The following FANK1 variants were observed in gnomAD, a reference collection of about 807,000 sequenced individuals.
The protein encoded by FANK1 is fibronectin type III and ankyrin repeat domains 1.
Under a neutral mutation model 45.3 loss-of-function variants are expected in FANK1, and 44 were observed. The observed-to-expected ratio is 0.97, with a 90% CI of 0.76 to 1.25. The LOEUF is 1.25. Ranked by LOEUF, FANK1 falls within the 50% of genes most tolerant of loss-of-function variation. The pLI, the probability that FANK1 is intolerant of heterozygous loss-of-function variation, is 0.00. For synonymous variants in FANK1, 149 were observed against 152.5 expected, an observed-to-expected ratio of 0.98 and a Z score of 0.17; for missense variants, 391 against 424.4, an observed-to-expected ratio of 0.92 and a Z score of 0.69.
At chr10:125,980,086 G>A in intron 1 of FANK1, 75 bp from the exon 2 acceptor site, 1 of 1,474,938 alleles carries the variant, frequency 6.8e-7, no homozygotes. Flanking sequence ...TCACCAAGCA[G>A]CTGTAATCCA....
intron 1 of FANK1, among the ~76,000 whole-genome samples, chr10:125,920,245 T>G (rs1946850959): frequency 6.6e-6 from 1 of 152,260 alleles, no homozygotes; most frequent in African/African-American, 2.4e-5. Context: ...ATGTTGCTTT[T>G]ATTTTTTTTC....
chr10:125,965,285 T>C (rs1346970065), intron 1 of FANK1, among the ~76,000 whole-genome samples: 1 of 152,254 alleles, frequency 6.6e-6, no homozygotes, highest in Non-Finnish European at 1.5e-5. Context: ...CTTGGTCATA[T>C]TCTTCAGTAG....
chr10:125,903,373 T>TAAGGGAGGCTGGAAG (rs1485426436), intron 1 of FANK1, among the ~76,000 whole-genome samples: 1 of 152,228 alleles, frequency 6.6e-6, no homozygotes, highest in African/African-American at 2.4e-5. Context: ...GTATTTTTCT[T>TAAGGGAGGCTGGAAG]AAGGGAGGCT....
chr10:125,933,414 T>A (rs1270611701), intron 1 of FANK1, among the ~76,000 whole-genome samples: 2 of 152,190 alleles, frequency 1.3e-5, no homozygotes, highest in African/African-American at 4.8e-5. Context: ...TTTCTACTTA[T>A]GTGTGTAAAG....
At chr10:125,930,325 C>T (rs1001294622) in intron 1 of FANK1, among the ~76,000 whole-genome samples, 2 of 151,234 alleles carry the variant, frequency 1.3e-5, no homozygotes, top group Admixed American at 6.6e-5. Context: ...TGAGTCACCA[C>T]GCCTGGCCTA....
chr10:126,004,160 T>TAAAAA (rs3067291), intron 6 of FANK1: 2 of 132,260 alleles, frequency 1.5e-5, no homozygotes, highest in African/African-American at 5.8e-5. Context: ...ATTTTATCCT[T>TAAAAA]AAAAAAAAAA....
rs114727642 is a variant in FANK1, at chr10:125,938,491, C to T, written c.14-41670C>T. Among the ~76,000 whole-genome samples, 677 of 152,220 alleles carry T rather than the reference C, an allele frequency of 4.4e-3. 3 individuals are homozygous for T. The highest frequency in any genetic ancestry group is 0.015 in the African/African-American group (637 of 41,526). On this transcript the variant is annotated intron_variant, in intron 1 of 10. Coordinates refer to ENST00000368693, the MANE Select transcript of FANK1 (RefSeq NM_145235.5). ...TGAGCCTAGAATATTCGGTGTGCCA[C>T]GAAAGCAAAGAGGTGCTTTAAACAT...
At chr10:125,919,194 A>T (rs1002379692) in intron 1 of FANK1, among the ~76,000 whole-genome samples, 1 of 50,850 alleles carries the variant, frequency 2.0e-5, no homozygotes, top group African/African-American at 6.5e-5. Context: ...AGGAGGTAAG[A>T]ATTTTTTTTT....
At chr10:125,992,453 C>T (rs1290441348) in intron 3 of FANK1, among the ~76,000 whole-genome samples, 1 of 152,174 alleles carries the variant, frequency 6.6e-6, no homozygotes, top group East Asian at 1.9e-4. Flanking sequence ...ATGGTTACTG[C>T]TCAGCAAGCA....
chr10:125,917,715 GA>G (rs1946555300), intron 1 of FANK1, among the ~76,000 whole-genome samples: 1 of 152,262 alleles, frequency 6.6e-6, no homozygotes. Flanking sequence ...AAGGGTGGAG[GA>G]AAAATATTTT....
At chr10:126,005,964 C>T (rs1231436244) in intron 7 of FANK1, among the ~76,000 whole-genome samples, 3 of 152,118 alleles carry the variant, frequency 2.0e-5, no homozygotes, top group Non-Finnish European at 2.9e-5. Flanking sequence ...TGTTGTTGGA[C>T]GTCTATAGAT....
At chr10:125,940,923 CAT>C (rs1377832633) in intron 1 of FANK1, among the ~76,000 whole-genome samples, 5 of 152,344 alleles carry the variant, frequency 3.3e-5, no homozygotes, top group East Asian at 3.9e-4. Context: ...CCACACAACA[CAT>C]GTTTCTGTGA....
intron 1 of FANK1, among the ~76,000 whole-genome samples, chr10:125,936,994 A>G (rs1948144379): frequency 1.3e-5 from 2 of 152,116 alleles, no homozygotes; most frequent in Non-Finnish European, 1.5e-5. Context: ...TTGAACCCGG[A>G]TGGCGGAGGT....
intron 1 of FANK1, among the ~76,000 whole-genome samples, chr10:125,918,033 T>C (rs2134124595): frequency 6.6e-6 from 1 of 151,392 alleles, no homozygotes; most frequent in Non-Finnish European, 1.5e-5. Flanking sequence ...TGAATTATGA[T>C]CATGCCACTG....
At chr10:125,950,368 C>T (rs981840251) in intron 1 of FANK1, among the ~76,000 whole-genome samples, 7 of 147,990 alleles carry the variant, frequency 4.7e-5, no homozygotes, top group African/African-American at 1.7e-4. Context: ...ACCTACTCAT[C>T]TGACAAAGGG....
At chr10:125,915,490 C>A (rs1946376549) in intron 1 of FANK1, among the ~76,000 whole-genome samples, 1 of 152,212 alleles carries the variant, frequency 6.6e-6, no homozygotes, top group South Asian at 2.1e-4. Flanking sequence ...TTCAACTTCA[C>A]ATACCATAAA....
intron 1 of FANK1, among the ~76,000 whole-genome samples, chr10:125,914,985 C>T (rs111452063): frequency 6.6e-6 from 1 of 152,086 alleles, no homozygotes; most frequent in Non-Finnish European, 1.5e-5. Flanking sequence ...AGGGAATGGT[C>T]GGGAGAGACT....
chr10:125,901,788 C>T (rs111651972), intron 1 of FANK1, among the ~76,000 whole-genome samples: 1 of 152,180 alleles, frequency 6.6e-6, no homozygotes, highest in African/African-American at 2.4e-5. Flanking sequence ...GCGCTTTTCT[C>T]TTAATAGTAA....
chr10:125,975,259 AG>A (rs1950787129), intron 1 of FANK1, among the ~76,000 whole-genome samples: 1 of 152,134 alleles, frequency 6.6e-6, no homozygotes, highest in South Asian at 2.1e-4. Context: ...ATGGACATTT[AG>A]GTTGATTCCA....
Sources: allele counts gnomAD v4.1 joint callset (sites outside exome capture counted in the v4.1 genomes callset), GRCh38; gene constraint gnomAD v4.1.1; transcripts MANE v1.5; gene names NCBI Gene and HGNC (gene_info 2026-07-23, HGNC 2026-07-21).